Variants in PCDHGB2 observed in about 807,000 individuals in gnomAD.
PCDHGB2 encodes protocadherin gamma subfamily B, 2.
A neutral mutation model predicts 59.3 loss-of-function variants in PCDHGB2; 55 were observed. That is an observed-to-expected ratio of 0.93 (90% CI 0.75 to 1.16). The LOEUF (loss-of-function observed/expected upper bound fraction) is 1.16, where lower values mean the gene tolerates loss of function less well. Among genes scored for constraint, PCDHGB2 ranks in the 50% most tolerant of loss-of-function variants. The pLI is 0.00. For synonymous variants in PCDHGB2, 516 were observed against 512.0 expected, an observed-to-expected ratio of 1.01 and a Z score of -0.11; for missense variants, 1,228 against 1,198.5, an observed-to-expected ratio of 1.02 and a Z score of -0.36.
Position 141,417,842 on chromosome 5 carries a change from C to A in PCDHGB2, c.2421+55286C>A, listed in dbSNP as rs1247720013. 3 of 1,537,164 alleles carry A rather than the reference C, an allele frequency of 2.0e-6. No homozygotes were observed. The South Asian group carries it at 3.6e-5, about 19-fold the overall frequency. Reference sequence around the variant, plus strand: ...TCCAACTGGAAAAGCGGGGACCCAGCGAGAACCCGAGCGAACGATGGGAGG... The same window carrying A: ...TCCAACTGGAAAAGCGGGGACCCAGAGAGAACCCGAGCGAACGATGGGAGG... On this transcript the variant is annotated intron_variant, in intron 1 of 3. Transcript: ENST00000522605.
rs574905149 is a variant in PCDHGB2 at position 141,400,501 on chromosome 5, G to C, written c.2421+37945G>C. 1 of 1,613,878 alleles carries C rather than the reference G, an allele frequency of 6.2e-7. No homozygotes were observed. The highest frequency in any genetic ancestry group is 1.7e-5 in the Admixed American group (1 of 60,012). On this transcript the variant is annotated intron_variant, in intron 1 of 3. Transcript: ENST00000522605. ...CTTATTTCCACTTTGTAATTCCAGC[G>C]AGTCGACTTCCCATCCTGAGTTGGT...
rs750712376 is a variant in PCDHGB2 at position 141,362,282 on chromosome 5, G to A, written c.2147G>A (p.Arg716Gln). The change falls in exon 1 of 4, where the codon CGA (arginine) becomes CAA (glutamine). Residue 716 changes from arginine to glutamine, a missense_variant. By Grantham distance (43) the Arg-to-Gln change is conservative. Coordinates refer to ENST00000522605, the MANE Select transcript of PCDHGB2 (RefSeq NM_018923.3). ...ATTCTGGCAATCTCCCTGCGCCTGC[G>A]ACTCTCTTCCAGGTCAGATGCTTGG... ...AVILAISLRLRLSSRSDAWDC... is the reference protein window; with the variant it reads ...AVILAISLRLQLSSRSDAWDC... 6.2e-7 allele frequency: 1 copy of A among 1,614,038 alleles called. No homozygotes were observed. The highest frequency in any genetic ancestry group is 8.5e-7 in the Non-Finnish European group (1 of 1,179,908).
At chr5:141,396,119 A>T (rs1190344282) in intron 1 of PCDHGB2, 1 of 152,250 alleles carries the variant, frequency 6.6e-6, no homozygotes, top group Non-Finnish European at 1.5e-5. Flanking sequence ...CCAATGTTTC[A>T]GGTACACAAG....
intron 1 of PCDHGB2, chr5:141,478,456 T>A (rs371773090): frequency 3.1e-6 from 5 of 1,613,366 alleles, no homozygotes; most frequent in African/African-American, 2.7e-5. Context: ...GTGCAGCCAG[T>A]CCACTGGCCA....
chr5:141,441,861 C>T (rs3805696), intron 1 of PCDHGB2: 35,405 of 342,650 alleles, frequency 0.1, 2,215 homozygotes, highest in African/African-American at 0.17. Context: ...TGCTGCACGC[C>T]GCGGAGCCTG....
intron 2 of PCDHGB2, among the ~76,000 whole-genome samples, chr5:141,497,132 G>T (rs2099774325): frequency 6.6e-6 from 1 of 152,046 alleles, no homozygotes; most frequent in Non-Finnish European, 1.5e-5. Context: ...GTTGCAGTGA[G>T]CTGAGATCAC....
At chr5:141,464,279 C>CAAA (rs373828487) in intron 1 of PCDHGB2, among the ~76,000 whole-genome samples, 8 of 137,748 alleles carry the variant, frequency 5.8e-5, no homozygotes, top group Admixed American at 1.5e-4. Flanking sequence ...AAAAAAAAAG[C>CAAA]AAAAAAAAAA....
chr5:141,487,442 G>A lies in PCDHGB2; in HGVS notation c.2422-7365G>A, dbSNP rs749842864. 1 of 1,613,918 alleles carries A rather than the reference G, an allele frequency of 6.2e-7. No homozygotes were observed. Among genetic ancestry groups the A allele is most frequent in the Non-Finnish European group, 8.5e-7 (1 of 1,179,798 alleles). On this transcript the variant is annotated intron_variant, in intron 1 of 3. Coordinates refer to ENST00000522605, the MANE Select transcript of PCDHGB2 (RefSeq NM_018923.3). The surrounding 1 kb of genome is among the most constrained non-coding windows in gnomAD (Gnocchi z 5.0). ...GATCCTCCGAATCCAGCTAGGGTCA[G>A]ATGACCCTATCAAGTTTGTTGATGT...
chr5:141,413,656 G>A, intron 1 of PCDHGB2: 1 of 1,613,872 alleles, frequency 6.2e-7, no homozygotes, highest in Non-Finnish European at 8.5e-7. Flanking sequence ...TCTCCCGGAA[G>A]CTATTGATCC....
chr5:141,511,304 CTTGGGAAA>C lies in PCDHGB2; in HGVS notation c.*132_*139del. ...TGGTAGGGGCCAAGGCCATGCTCCC[CTTGGGAAA>C]CAGAAACAAGTGCCCAGTCAGCACC... is the stretch of plus-strand genomic sequence containing the variant. On this transcript the variant is annotated 3_prime_UTR_variant, in exon 4 of 4. Transcript: ENST00000522605. The C allele has an allele frequency of 2.0e-6, 3 of 1,490,438 alleles. No individual in the cohort carries two copies. The South Asian group carries it at 4.0e-5, about 20-fold the overall frequency. 92.3% of individuals were successfully genotyped at this position (1,490,438 alleles called of 1,614,324 possible). A position where few individuals can be genotyped will look rare whatever the true frequency, so the allele number is the denominator to read the frequency against.
chr5:141,393,113 G>T (rs1296597974), intron 1 of PCDHGB2: 1 of 1,613,500 alleles, frequency 6.2e-7, no homozygotes. Context: ...CTCAGAGCCC[G>T]CGGTGTCTGA....
At chr5:141,404,451 C>G in intron 1 of PCDHGB2, 4 of 1,613,166 alleles carry the variant, frequency 2.5e-6, no homozygotes, top group Non-Finnish European at 3.4e-6. Flanking sequence ...CAAGGGTCTC[C>G]TCTCTCCACC....
rs1860253 is a variant in PCDHGB2 at position 141,361,752 on chromosome 5, G to T, written c.1617G>T (p.Ser539=). Residue 539 remains serine (S), a synonymous_variant, in exon 1 of 4, where the codon TCG becomes TCT. Coordinates refer to ENST00000522605, the MANE Select transcript of PCDHGB2 (RefSeq NM_018923.3). ...CACTGCAGGCCCGCGACCAGGGCTC[G>T]CCCGCGCTCAGCGCCAACGTGAGCC... The part of the protein sequence containing the change: ...ELTLQARDQG[S]PALSANVSLR... 3.1e-6 allele frequency: 5 copies of T among 1,613,022 alleles called. No homozygotes were observed. The highest frequency in any genetic ancestry group is 4.5e-5 in the East Asian group (2 of 44,876).
intron 1 of PCDHGB2, chr5:141,423,387 G>A (rs373190092): frequency 6.2e-7 from 1 of 1,614,162 alleles, no homozygotes; most frequent in Non-Finnish European, 8.5e-7. Context: ...TGTGGCGCTG[G>A]CATAAGTCAC....
At chr5:141,414,081 T>C (rs748527220) in intron 1 of PCDHGB2, 1 of 1,601,774 alleles carries the variant, frequency 6.2e-7, no homozygotes, top group South Asian at 1.1e-5. Flanking sequence ...ACAAATATAC[T>C]GGAGAAATAA....
At chr5:141,450,815 A>ATAT (rs1420984335) in intron 1 of PCDHGB2, among the ~76,000 whole-genome samples, 2,245 of 126,710 alleles carry the variant, frequency 0.018, 73 homozygotes, top group African/African-American at 0.063. Flanking sequence ...TATTTATTTA[A>ATAT]TATTATTATT....
intron 1 of PCDHGB2, chr5:141,399,983 C>T (rs767278001): frequency 7.4e-6 from 12 of 1,612,374 alleles, no homozygotes; most frequent in Non-Finnish European, 1.0e-5. Context: ...GGGCTGCGCA[C>T]AGGAGAGGTG....
At chr5:141,409,429 C>T (rs767514268) in intron 1 of PCDHGB2, 3 of 1,613,872 alleles carry the variant, frequency 1.9e-6, no homozygotes, top group African/African-American at 1.3e-5. Flanking sequence ...CAGATGGAGC[C>T]CTGGACCGAG....
chr5:141,391,186 A>G (rs772016494), intron 1 of PCDHGB2: 1 of 152,220 alleles, frequency 6.6e-6, no homozygotes, highest in Non-Finnish European at 1.5e-5. Flanking sequence ...TGGTGTGCAT[A>G]CAAAATATAT....
Sources: gnomAD v4.1 joint callset for allele counts (sites outside exome capture counted in the v4.1 genomes callset) on GRCh38, gnomAD v4.1.1 for gene constraint, Gnocchi (gnomAD v3.1) non-coding constraint, MANE v1.5 for transcripts, NCBI Gene and HGNC (gene_info 2026-07-23, HGNC 2026-07-21) for gene names.